The following SLC28A1 variants were observed in gnomAD, a reference collection of about 807,000 sequenced individuals.
The protein encoded by SLC28A1 is solute carrier family 28 member 1.
In SLC28A1, 64 loss-of-function variants were observed where a neutral mutation model predicts 74.8. The ratio of observed to expected loss-of-function variants is 0.86; its 90% confidence interval spans 0.70 to 1.05. The LOEUF (loss-of-function observed/expected upper bound fraction) is 1.05. SLC28A1 is among the 50% of genes least tolerant of loss of function. The probability of loss-of-function intolerance (pLI) is 0.00; values close to 1 mark genes in which losing one functional copy is unlikely to be tolerated. For synonymous variants in SLC28A1, 359 were observed against 335.0 expected (o/e 1.07, Z -0.78); for missense variants, 828 against 822.8 (o/e 1.01, Z -0.08).
the SLC28A1 span, among the ~76,000 whole-genome samples, chr15:84,963,583 C>T: frequency 1.3e-5 from 2 of 152,184 alleles, no homozygotes; most frequent in Non-Finnish European, 2.9e-5. Flanking sequence ...GGCTTCTCTT[C>T]AGCTCTGGCA....
At chr15:84,885,004 G>C (rs1257962267) in intron 1 of SLC28A1, among the ~76,000 whole-genome samples, 1 of 152,168 alleles carries the variant, frequency 6.6e-6, no homozygotes, top group Non-Finnish European at 1.5e-5. Flanking sequence ...TGTTGCCGAG[G>C]CTGGAGTGCA....
the SLC28A1 span, among the ~76,000 whole-genome samples, chr15:84,958,837 T>C: frequency 6.6e-6 from 1 of 152,004 alleles, no homozygotes; most frequent in Non-Finnish European, 1.5e-5. Flanking sequence ...TGGTGGCTCA[T>C]GCCTGTAATC....
intron 13 of SLC28A1, 30 bp from the exon 14 acceptor site, chr15:84,934,996 A>G (rs1450782766): frequency 6.2e-7 from 1 of 1,605,790 alleles, no homozygotes; most frequent in South Asian, 1.1e-5. Flanking sequence ...GAGACAGGCC[A>G]GTAATGATCA....
At chr15:84,973,113 G>GC in the SLC28A1 span, among the ~76,000 whole-genome samples, 1 of 152,076 alleles carries the variant, frequency 6.6e-6, no homozygotes, top group Admixed American at 6.5e-5. Context: ...TTTCCACTTA[G>GC]CCCCTTGTTT....
chr15:84,903,281 T>G (rs990334774), intron 6 of SLC28A1, among the ~76,000 whole-genome samples: 1 of 152,216 alleles, frequency 6.6e-6, no homozygotes, highest in East Asian at 1.9e-4. Flanking sequence ...GCTTCCAGAG[T>G]GCCTGGGTTG....
rs1596339333 is a variant in SLC28A1, at chr15:84,933,070, G to A, written c.1084-75G>A. 5 of 1,532,776 alleles carry A rather than the reference G, an allele frequency of 3.3e-6. No homozygotes were observed. In the East Asian group the frequency reaches 1.1e-4, roughly 35 times the overall value. The allele number at this position is 1,532,776 out of a possible 1,614,324, so 94.9% of individuals were successfully genotyped here. A position where few individuals can be genotyped will look rare whatever the true frequency, so the allele number is the denominator to read the frequency against. On this transcript the variant is annotated intron_variant, in intron 12 of 18. Coordinates refer to ENST00000394573, the MANE Select transcript of SLC28A1 (RefSeq NM_004213.5). ...GACAGACTACACATGTGCCCTTGCT[G>A]CCCTGGGCCGCACTCCTTGGTCGCC...
intron 6 of SLC28A1, among the ~76,000 whole-genome samples, chr15:84,902,692 A>G (rs1966801469): frequency 6.6e-6 from 1 of 151,962 alleles, no homozygotes; most frequent in African/African-American, 2.4e-5. Context: ...TACCTCTAAT[A>G]AAGCTGTTAA....
chr15:84,921,131 C>T (rs959935585), intron 11 of SLC28A1, 62 bp downstream of exon 11: 6 of 1,249,558 alleles, frequency 4.8e-6, no homozygotes, highest in East Asian at 4.6e-5. Context: ...GGGCAGTTTC[C>T]CTGGATCCCC....
chr15:84,925,714 A>G (rs566609516), intron 12 of SLC28A1, among the ~76,000 whole-genome samples: 16 of 152,200 alleles, frequency 1.1e-4, no homozygotes, highest in African/African-American at 3.9e-4. Flanking sequence ...GTCATTCCAA[A>G]TCTTTCTGTG....
chr15:84,914,003 C>G (rs1968724014), intron 9 of SLC28A1, among the ~76,000 whole-genome samples: 1 of 152,118 alleles, frequency 6.6e-6, no homozygotes, highest in Non-Finnish European at 1.5e-5. Flanking sequence ...GGCTGGAGTG[C>G]AGTAGTGTGA....
chr15:84,974,036 T>C, the SLC28A1 span, among the ~76,000 whole-genome samples: 1 of 151,772 alleles, frequency 6.6e-6, no homozygotes, highest in Non-Finnish European at 1.5e-5. Context: ...GAACTTGGAG[T>C]GAATGATTCA....
chr15:84,894,871 G>C lies in SLC28A1; in HGVS notation c.278-69G>C, dbSNP rs979414688. The C allele has an allele frequency of 2.5e-5, 38 of 1,490,664 alleles. No homozygotes were observed. In the African/African-American group the frequency reaches 4.4e-4, roughly 17 times the overall value. The allele number at this position is 1,490,664 out of a possible 1,614,324, so 92.3% of individuals were successfully genotyped here. A position where few individuals can be genotyped will look rare whatever the true frequency, so the allele number is the denominator to read the frequency against. ...CTGGGTGGAGTAAGGTGGAGTCCGC[G>C]GGCGGGGCTGCAGGGTTCTGAAGAG... is the stretch of plus-strand genomic sequence containing the variant. On this transcript the variant is annotated intron_variant, in intron 5 of 18. Transcript: ENST00000394573.
At chr15:84,908,569 C>G (rs534235574) in intron 8 of SLC28A1, 149 bp from the exon 9 acceptor site, 3 of 705,792 alleles carry the variant, frequency 4.3e-6, no homozygotes, top group East Asian at 2.6e-5. Context: ...GCAGCTTTAA[C>G]GCACCTTGCC....
chr15:84,918,413 G>C (rs1009770431), intron 9 of SLC28A1, 111 bp from the exon 10 acceptor site: 10 of 807,628 alleles, frequency 1.2e-5, no homozygotes, highest in East Asian at 4.8e-5. Context: ...TCAGGCATCT[G>C]AGTGGCAAGG....
chr15:84,908,174 A>ATTTT (rs1596270479), intron 8 of SLC28A1, among the ~76,000 whole-genome samples: 5 of 65,880 alleles, frequency 7.6e-5, no homozygotes, highest in Admixed American at 4.0e-4. Context: ...CTCCCAGAGC[A>ATTTT]TTTCTTTTTT....
chr15:84,950,175 TG>T (rs1567199774), downstream of SLC28A1, among the ~76,000 whole-genome samples: 1 of 152,122 alleles, frequency 6.6e-6, no homozygotes, highest in Non-Finnish European at 1.5e-5. Context: ...CTGTCTCTGC[TG>T]GGCAAAATAT....
intron 6 of SLC28A1, among the ~76,000 whole-genome samples, chr15:84,898,085 G>A (rs1299309420): frequency 1.6e-4 from 24 of 151,254 alleles, no homozygotes; most frequent in Admixed American, 1.6e-3. Flanking sequence ...GAATCATGCT[G>A]CAATAAACAT....
At chr15:84,899,370 C>CA (rs138754889) in intron 6 of SLC28A1, among the ~76,000 whole-genome samples, 5,056 of 147,902 alleles carry the variant, frequency 0.034, 270 homozygotes, top group African/African-American at 0.12. Flanking sequence ...AAATTATGTC[C>CA]AAAAAAAAAA....
rs757882632 is a variant in SLC28A1 at position 84,945,251 on chromosome 15, G to C, written c.*51G>C. The C allele has an allele frequency of 3.2e-6, 5 of 1,550,092 alleles. No individual in the cohort carries two copies. The highest frequency in any genetic ancestry group is 1.1e-5 in the South Asian group (1 of 89,624). ...GCTTCTGAGGGCTGTTCTCCCCCGGGAACCATCTGTCCCCACCTTCCCTTT... is the reference window on the plus strand; with the variant it reads ...GCTTCTGAGGGCTGTTCTCCCCCGGCAACCATCTGTCCCCACCTTCCCTTT... On this transcript the variant is annotated 3_prime_UTR_variant, in exon 19 of 19. Transcript: ENST00000394573.
Sources: gnomAD v4.1 joint callset for allele counts (sites outside exome capture counted in the v4.1 genomes callset) on GRCh38, gnomAD v4.1.1 for gene constraint, MANE v1.5 for transcripts, NCBI Gene and HGNC (gene_info 2026-07-23, HGNC 2026-07-21) for gene names.